The following IGF2R variants were observed in gnomAD, a reference collection of about 807,000 sequenced individuals.
IGF2R encodes cation-independent mannose-6-phosphate receptor.
IGF2R carries 91 observed loss-of-function variants against 270.6 expected under a neutral mutation model. That is an observed-to-expected ratio of 0.34 (90% CI 0.28 to 0.40). The LOEUF is 0.40. Ranked by LOEUF, IGF2R falls within the 10% of genes least tolerant of loss-of-function variation. The probability of loss-of-function intolerance (pLI) is 1.00; values close to 1 mark genes in which losing one functional copy is unlikely to be tolerated. For synonymous variants in IGF2R, 1,316 were observed against 1,258.9 expected, an observed-to-expected ratio of 1.05 and a Z score of -0.96; for missense variants, 2,805 against 3,188.3, an observed-to-expected ratio of 0.88 and a Z score of 2.90.
intron 31 of IGF2R, among the ~76,000 whole-genome samples, chr6:160,070,653 A>C (rs767324269): frequency 2.6e-5 from 4 of 152,196 alleles, no homozygotes; most frequent in Admixed American, 6.5e-5. Context: ...TGTCGACTGC[A>C]TACAGGTTTT....
At position 160,058,037 on chromosome 6, in the gene IGF2R, G is replaced by A. The variant is rs781337313; in HGVS notation, c.2811G>A (p.Arg937=). The A allele has an allele frequency of 6.2e-7, 1 of 1,612,812 alleles. No homozygotes were observed. The highest frequency in any genetic ancestry group is 8.5e-7 in the Non-Finnish European group (1 of 1,178,854). ...TTDTDQACSI[R]DPNSGFVFNL... is the part of the protein sequence containing the mutation. Reference sequence around the variant, plus strand: ...GTTTCCTGTAGGCTTGCTCTATAAGGGATCCCAACAGTGGATTTGTGTTTA... The same window carrying A: ...GTTTCCTGTAGGCTTGCTCTATAAGAGATCCCAACAGTGGATTTGTGTTTA... The change falls in exon 21 of 48, where the codon AGG becomes AGA. Residue 937 remains arginine (R), a synonymous_variant. Transcript: ENST00000356956.
chr6:160,065,172 G>C (rs749120428), intron 29 of IGF2R, among the ~76,000 whole-genome samples: 38 of 152,234 alleles, frequency 2.5e-4, no homozygotes, highest in Non-Finnish European at 4.0e-4. Flanking sequence ...TCAGTGAGCA[G>C]AGTGGGCCAG....
Position 160,009,951 on chromosome 6 carries a change from C to T in IGF2R, c.415-736C>T, listed in dbSNP as rs139210785. Among the ~76,000 whole-genome samples the T allele has an allele frequency of 3.6e-4, 55 of 151,482 alleles. No homozygotes were observed. In the East Asian group the frequency reaches 8.8e-3, roughly 24 times the overall value. On this transcript the variant is annotated intron_variant, in intron 3 of 47. Transcript: ENST00000356956. ...AAACTAATATTGTTAATTTTGGATC[C>T]GCATATAAATTGCATCGTTGTGCAT...
chr6:160,073,096 C>A, intron 33 of IGF2R, 117 bp from the exon 34 acceptor site: 1 of 1,443,090 alleles, frequency 6.9e-7, no homozygotes, highest in Non-Finnish European at 9.5e-7. Context: ...GGATTGGACA[C>A]TTGAAGTTAT....
chr6:160,082,562 G>T (rs1031689539), intron 39 of IGF2R, among the ~76,000 whole-genome samples: 1 of 152,082 alleles, frequency 6.6e-6, no homozygotes, highest in African/African-American at 2.4e-5. Flanking sequence ...CGCCCACCTC[G>T]GCCTCCCAGA....
intron 45 of IGF2R, among the ~76,000 whole-genome samples, chr6:160,098,381 T>C (rs1194341501): frequency 6.6e-6 from 1 of 151,860 alleles, no homozygotes; most frequent in Admixed American, 6.6e-5. Flanking sequence ...ATAAGGACTT[T>C]AAAAAAAAGA....
intron 45 of IGF2R, among the ~76,000 whole-genome samples, chr6:160,101,855 A>T (rs1779491758): frequency 6.6e-6 from 1 of 152,192 alleles, no homozygotes; most frequent in Admixed American, 6.5e-5. Flanking sequence ...GCTTTTTCCC[A>T]CAAGTGTGCA....
chr6:159,980,443 C>T (rs112668239), intron 1 of IGF2R, among the ~76,000 whole-genome samples: 75 of 152,276 alleles, frequency 4.9e-4, no homozygotes, highest in African/African-American at 1.6e-3. Context: ...GACAAGGTCA[C>T]GGACCTCACT....
rs112149864 is a variant in IGF2R, at chr6:160,089,100, C to T, written c.6321-7C>T. The T allele has an allele frequency of 1.2e-5, 20 of 1,611,218 alleles. No homozygotes were observed. Among genetic ancestry groups the T allele is most frequent in the African/African-American group, 4.0e-5 (3 of 74,978 alleles). On this transcript the variant is annotated splice_region_variant and splice_polypyrimidine_tract_variant and intron_variant, in intron 42 of 47. Coordinates refer to ENST00000356956, the MANE Select transcript of IGF2R (RefSeq NM_000876.4). ...AGTGACTGTAGCCTGTGCTTCCCTC[C>T]TCCTAGGTTTGATATCGACAGCTGC...
intron 12 of IGF2R, among the ~76,000 whole-genome samples, chr6:160,044,273 C>G (rs1370817701): frequency 6.6e-6 from 1 of 152,142 alleles, no homozygotes; most frequent in Non-Finnish European, 1.5e-5. Context: ...TCTGGCTGAA[C>G]CTATGGATGA....
chr6:159,971,094 A>G (rs1318950406), intron 1 of IGF2R, among the ~76,000 whole-genome samples: 1 of 152,178 alleles, frequency 6.6e-6, no homozygotes, highest in Non-Finnish European at 1.5e-5. Flanking sequence ...ATAAATAAAT[A>G]AATACAATAA....
At position 160,102,782 on chromosome 6, in the gene IGF2R, G is replaced by A. The variant is rs977168589; in HGVS notation, c.6995+111G>A. 3.2e-6 allele frequency: 4 copies of A among 1,254,174 alleles called. No individual in the cohort carries two copies. Among genetic ancestry groups the A allele is most frequent in the South Asian group, 1.6e-5 (1 of 63,802 alleles). 77.7% of individuals were successfully genotyped at this position (1,254,174 alleles called of 1,614,324 possible). On this transcript the variant is annotated intron_variant, in intron 46 of 47. Coordinates refer to ENST00000356956, the MANE Select transcript of IGF2R (RefSeq NM_000876.4). The surrounding 1 kb of genome is among the most constrained non-coding windows in gnomAD (Gnocchi z 4.5). Reference sequence around the variant, plus strand: ...ATTTGTTTTTAAGCCCTACAGCAGCGAAGGCTCGAGGTTCTTAGTCCAAAA... The same window carrying A: ...ATTTGTTTTTAAGCCCTACAGCAGCAAAGGCTCGAGGTTCTTAGTCCAAAA...
chr6:160,020,352 A>G (rs1036834888), intron 4 of IGF2R, among the ~76,000 whole-genome samples: 4 of 152,210 alleles, frequency 2.6e-5, no homozygotes, highest in African/African-American at 4.8e-5. Context: ...AAGAATCAAT[A>G]TCATTAAAAT....
rs574609953 is a variant in IGF2R, at chr6:160,084,411, A to G, written c.6068+227A>G. Among the ~76,000 whole-genome samples the G allele has an allele frequency of 5.9e-5, 9 of 152,276 alleles. No individual in the cohort carries two copies. In the East Asian group the frequency reaches 9.6e-4, roughly 16 times the overall value. ...GGGGCAGGAGCTTTGGTGACTGGAA[A>G]CGGAGCCTCTGGAGCTGGAAGAACC... On this transcript the variant is annotated intron_variant, in intron 40 of 47. Coordinates refer to ENST00000356956, the MANE Select transcript of IGF2R (RefSeq NM_000876.4). The surrounding 1 kb of genome is among the most constrained non-coding windows in gnomAD (Gnocchi z 4.6).
chr6:160,062,807 T>C (rs1778470103), intron 26 of IGF2R, among the ~76,000 whole-genome samples, 188 bp downstream of exon 26: 1 of 151,622 alleles, frequency 6.6e-6, no homozygotes, highest in African/African-American at 2.4e-5. Context: ...ATTTCACGAG[T>C]GACATTTTCC....
chr6:160,027,821 T>TA (rs1318028639), intron 6 of IGF2R, among the ~76,000 whole-genome samples: 1 of 152,236 alleles, frequency 6.6e-6, no homozygotes, highest in Non-Finnish European at 1.5e-5. Flanking sequence ...TTGGCAGACA[T>TA]ACGCATTTCT....
At chr6:160,018,097 C>G (rs1777346997) in intron 4 of IGF2R, among the ~76,000 whole-genome samples, 1 of 151,904 alleles carries the variant, frequency 6.6e-6, no homozygotes, top group Non-Finnish European at 1.5e-5. Flanking sequence ...CAGAATCCAC[C>G]CATATGCTGC....
At chr6:159,975,983 A>G (rs1214743128) in intron 1 of IGF2R, among the ~76,000 whole-genome samples, 1 of 151,684 alleles carries the variant, frequency 6.6e-6, no homozygotes, top group Non-Finnish European at 1.5e-5. Context: ...GGATTTTGTT[A>G]TTAATAATAT....
At chr6:159,983,446 A>G (rs1783835235) in intron 1 of IGF2R, among the ~76,000 whole-genome samples, 1 of 152,220 alleles carries the variant, frequency 6.6e-6, no homozygotes, top group African/African-American at 2.4e-5. Flanking sequence ...TCTCCAGGAT[A>G]GTTTCAGCAG....
Sources: gnomAD v4.1 joint callset for allele counts (sites outside exome capture counted in the v4.1 genomes callset) on GRCh38, gnomAD v4.1.1 for gene constraint, Gnocchi (gnomAD v3.1) non-coding constraint, MANE v1.5 for transcripts, NCBI Gene and HGNC (gene_info 2026-07-23, HGNC 2026-07-21) for gene names.